The following TEAD1 variants were observed in gnomAD, a reference collection of about 807,000 sequenced individuals.
TEAD1 encodes transcriptional enhancer factor TEF-1.
Under a neutral mutation model 54.9 loss-of-function variants are expected in TEAD1, and 9 were observed. That is an observed-to-expected ratio of 0.16 (90% confidence interval 0.10 to 0.29). TEAD1 has a LOEUF of 0.29. TEAD1 is among the 10% of genes least tolerant of loss of function. The probability of loss-of-function intolerance (pLI) is 1.00; values close to 1 mark genes in which losing one functional copy is unlikely to be tolerated. For synonymous variants in TEAD1, 200 were observed against 187.8 expected (o/e 1.07, Z -0.53); for missense variants, 387 against 535.9 (o/e 0.72, Z 2.74).
In TEAD1 at chr11:12,938,238, C is replaced by G. The variant is rs1289717972; in HGVS notation, c.*1016C>G. ...ATACGGAATACTGCACTGTGAGATG[C>G]AAAGTATACAGAATCTGTGGCTGGG... On this transcript the variant is annotated 3_prime_UTR_variant, in exon 13 of 13. Coordinates refer to ENST00000527636, the MANE Select transcript of TEAD1 (RefSeq NM_021961.6). The G allele has an allele frequency of 6.6e-6, 1 of 152,504 alleles. No individual in the cohort carries two copies. Among genetic ancestry groups the G allele is most frequent in the African/African-American group, 2.4e-5 (1 of 41,408 alleles). The allele number at this position is 152,504 out of a possible 1,614,324, so 9.4% of individuals were successfully genotyped here. A position where few individuals can be genotyped will look rare whatever the true frequency, so the allele number is the denominator to read the frequency against.
intron 3 of TEAD1, among the ~76,000 whole-genome samples, chr11:12,852,695 G>A (rs1027448797): frequency 6.6e-6 from 1 of 152,136 alleles, no homozygotes; most frequent in South Asian, 2.1e-4. Context: ...TGACCCACCC[G>A]CCTTGGCCTC....
chr11:12,818,971 A>C (rs940906160), intron 3 of TEAD1, among the ~76,000 whole-genome samples: 9 of 152,204 alleles, frequency 5.9e-5, no homozygotes, highest in Non-Finnish European at 8.8e-5. Context: ...CTGGAGCCTC[A>C]AATCAGGACT....
intron 3 of TEAD1, among the ~76,000 whole-genome samples, chr11:12,769,149 C>T (rs1564933406): frequency 6.6e-6 from 1 of 152,092 alleles, no homozygotes; most frequent in Non-Finnish European, 1.5e-5. Flanking sequence ...TAGGTCAGCT[C>T]CAAGGAAGGA....
chr11:12,749,639 C>T (rs994308461), intron 2 of TEAD1, among the ~76,000 whole-genome samples: 3 of 152,196 alleles, frequency 2.0e-5, no homozygotes, highest in Admixed American at 6.5e-5. Flanking sequence ...TGATGTCAGA[C>T]ATGAGCGCAT....
At chr11:12,810,560 T>G (rs1946279120) in intron 3 of TEAD1, among the ~76,000 whole-genome samples, 2 of 152,188 alleles carry the variant, frequency 1.3e-5, no homozygotes, top group Non-Finnish European at 2.9e-5. Flanking sequence ...ACTTCCCACC[T>G]TAGTCTTCGG....
At chr11:12,723,467 A>G (rs968234159) in intron 2 of TEAD1, among the ~76,000 whole-genome samples, 2 of 152,202 alleles carry the variant, frequency 1.3e-5, no homozygotes, top group Non-Finnish European at 2.9e-5. Flanking sequence ...TTCATCTGTA[A>G]AATAAATACT....
intron 3 of TEAD1, among the ~76,000 whole-genome samples, chr11:12,822,174 A>G (rs911814487): frequency 3.9e-5 from 6 of 151,976 alleles, no homozygotes; most frequent in Non-Finnish European, 5.9e-5. Flanking sequence ...CATGTTGGCC[A>G]GGATGGTCTC....
chr11:12,733,319 T>A (rs185551105), intron 2 of TEAD1, among the ~76,000 whole-genome samples: 1 of 152,040 alleles, frequency 6.6e-6, no homozygotes, highest in East Asian at 1.9e-4. Flanking sequence ...GGAGCCTGAG[T>A]GTTTTAGGTC....
intron 3 of TEAD1, among the ~76,000 whole-genome samples, chr11:12,800,687 C>T (rs990552352): frequency 6.6e-6 from 1 of 152,204 alleles, no homozygotes; most frequent in Admixed American, 6.5e-5. Flanking sequence ...TGAAAAAGAG[C>T]CTCAAGGCAG....
chr11:12,692,979 C>G (rs1225100075), intron 2 of TEAD1, among the ~76,000 whole-genome samples: 1 of 152,136 alleles, frequency 6.6e-6, no homozygotes, highest in Non-Finnish European at 1.5e-5. Flanking sequence ...TGTGTTGAAA[C>G]CCATAAAGGC....
chr11:12,861,546 A>G (rs1947504036), intron 3 of TEAD1, among the ~76,000 whole-genome samples: 1 of 152,222 alleles, frequency 6.6e-6, no homozygotes, highest in African/African-American at 2.4e-5. Context: ...TAAGAAGGAA[A>G]GTGAATATGA....
chr11:12,802,337 A>G (rs994657973), intron 3 of TEAD1, among the ~76,000 whole-genome samples: 3 of 152,032 alleles, frequency 2.0e-5, no homozygotes, highest in African/African-American at 4.8e-5. Flanking sequence ...TGGAATAATG[A>G]TGGGTTTTAT....
In TEAD1 at chr11:12,763,523, C is replaced by A. The variant is rs1945141255; in HGVS notation, c.-54-656C>A. 2.0e-5 allele frequency among the ~76,000 whole-genome samples: 3 copies of A among 152,164 alleles called. No homozygotes were observed. The South Asian group carries it at 6.2e-4, about 32-fold the overall frequency. ...GATAAATGACATAGGTCCAGGTCAG[C>A]CAGCATTGCTGTCTCAGTAGAATGA... On this transcript the variant is annotated intron_variant, in intron 2 of 12. Transcript: ENST00000527636.
intron 3 of TEAD1, among the ~76,000 whole-genome samples, chr11:12,819,118 T>C (rs538907646): frequency 6.6e-6 from 1 of 152,272 alleles, no homozygotes; most frequent in Middle Eastern, 3.4e-3. Flanking sequence ...CTGGAAAATC[T>C]GGAACACATA....
chr11:12,791,546 A>C (rs1374047389), intron 3 of TEAD1, among the ~76,000 whole-genome samples: 1 of 152,158 alleles, frequency 6.6e-6, no homozygotes, highest in Non-Finnish European at 1.5e-5. Flanking sequence ...ATACCTGATC[A>C]GTAGGCTTTT....
chr11:12,919,101 T>C (rs918480214), intron 10 of TEAD1, among the ~76,000 whole-genome samples: 7 of 152,226 alleles, frequency 4.6e-5, no homozygotes, highest in Non-Finnish European at 1.5e-5. Context: ...CTTTTCTGAA[T>C]GTATATTTTA....
intron 2 of TEAD1, among the ~76,000 whole-genome samples, chr11:12,752,678 C>T (rs1317133164): frequency 6.6e-6 from 1 of 152,096 alleles, no homozygotes; most frequent in African/African-American, 2.4e-5. Context: ...CTGTATGACA[C>T]AGTAGCCATT....
chr11:12,912,248 C>T (rs984013383), intron 10 of TEAD1, among the ~76,000 whole-genome samples: 4 of 152,130 alleles, frequency 2.6e-5, no homozygotes, highest in African/African-American at 7.2e-5. Flanking sequence ...TTCTGATTTG[C>T]AGGCTCAGGG....
intron 5 of TEAD1, among the ~76,000 whole-genome samples, chr11:12,870,345 T>A (rs1947717855): frequency 6.6e-6 from 1 of 151,802 alleles, no homozygotes; most frequent in South Asian, 2.1e-4. Flanking sequence ...TCAGGACATA[T>A]AGGGGATGGT....
Sources: gnomAD v4.1 joint callset for allele counts (sites outside exome capture counted in the v4.1 genomes callset) on GRCh38, gnomAD v4.1.1 for gene constraint, MANE v1.5 for transcripts, NCBI Gene and HGNC (gene_info 2026-07-23, HGNC 2026-07-21) for gene names.